HTR4: variants seen among roughly 807,000 people sequenced by gnomAD.
HTR4 encodes the protein 5-hydroxytryptamine receptor 4.
A neutral mutation model predicts 36.8 loss-of-function variants in HTR4; 16 were observed. The ratio of observed to expected loss-of-function variants is 0.43; its 90% CI spans 0.29 to 0.66. The LOEUF (loss-of-function observed/expected upper bound fraction) is 0.66, where lower values mean the gene tolerates loss of function less well. Ranked by LOEUF, HTR4 falls within the 30% of genes least tolerant of loss-of-function variation. The pLI is 0.13. For missense variants in HTR4, 438 were observed against 490.9 expected (o/e 0.89, Z 1.02); for synonymous variants, 189 against 185.1 (o/e 1.02, Z -0.17).
intron 4 of HTR4, among the ~76,000 whole-genome samples, chr5:148,537,204 T>C (rs574833394): frequency 2.6e-4 from 40 of 152,106 alleles, no homozygotes; most frequent in African/African-American, 8.9e-4. Context: ...AAGAAAGATA[T>C]AACATACCAG....
chr5:148,623,522 AT>A (rs1317573383), intron 2 of HTR4, among the ~76,000 whole-genome samples: 1 of 152,172 alleles, frequency 6.6e-6, no homozygotes, highest in East Asian at 1.9e-4. Flanking sequence ...CTATTAAAAT[AT>A]TGCATAATTT....
chr5:148,545,828 A>G (rs10076040), intron 4 of HTR4, among the ~76,000 whole-genome samples: 2,415 of 152,340 alleles, frequency 0.016, 70 homozygotes, highest in African/African-American at 0.055. Flanking sequence ...CTTCAATGCA[A>G]TGAATAGCCA....
intron 2 of HTR4, among the ~76,000 whole-genome samples, chr5:148,588,040 G>A (rs1303087602): frequency 6.6e-6 from 1 of 152,084 alleles, no homozygotes; most frequent in Non-Finnish European, 1.5e-5. Context: ...GACCTCTGAA[G>A]GAATTTTAAC....
chr5:148,609,080 ATTAC>A (rs1457847939), intron 2 of HTR4, among the ~76,000 whole-genome samples: 3 of 152,206 alleles, frequency 2.0e-5, no homozygotes. Flanking sequence ...AGAATGAATA[ATTAC>A]TTAATTAATG....
chr5:148,532,843 T>A (rs1758640112), intron 4 of HTR4, among the ~76,000 whole-genome samples: 1 of 152,150 alleles, frequency 6.6e-6, no homozygotes, highest in African/African-American at 2.4e-5. Context: ...ACTTAAAGGA[T>A]TTGTTGAAAC....
intron 2 of HTR4, among the ~76,000 whole-genome samples, chr5:148,576,248 G>T (rs979513770): frequency 1.3e-5 from 2 of 150,848 alleles, no homozygotes; most frequent in Non-Finnish European, 2.9e-5. Flanking sequence ...AAAATACCAG[G>T]AATATTACTT....
chr5:148,648,650 C>T (rs1345349554), intron 1 of HTR4, among the ~76,000 whole-genome samples: 1 of 152,156 alleles, frequency 6.6e-6, no homozygotes, highest in African/African-American at 2.4e-5. Flanking sequence ...TAGGAGGGGA[C>T]ATTTATTCAG....
intron 2 of HTR4, among the ~76,000 whole-genome samples, chr5:148,615,085 C>G (rs1267327064): frequency 2.6e-5 from 4 of 151,426 alleles, no homozygotes; most frequent in Non-Finnish European, 4.4e-5. Flanking sequence ...GTTGGTGGGA[C>G]TGTAAACTAG....
intron 2 of HTR4, among the ~76,000 whole-genome samples, chr5:148,609,711 G>C (rs1038117073): frequency 5.9e-5 from 9 of 151,608 alleles, no homozygotes; most frequent in African/African-American, 1.9e-4. Flanking sequence ...GACTACAGGC[G>C]CCCACCACCA....
At chr5:148,548,922 G>T in intron 3 of HTR4, 54 bp from the exon 4 acceptor site, 1 of 1,273,142 alleles carries the variant, frequency 7.9e-7, no homozygotes, top group Non-Finnish European at 1.1e-6. Context: ...AAGGGAAAAA[G>T]GGGAGGGAGA....
chr5:148,603,945 T>C (rs1752032991), intron 2 of HTR4, among the ~76,000 whole-genome samples: 1 of 152,094 alleles, frequency 6.6e-6, no homozygotes, highest in South Asian at 2.1e-4. Context: ...TTTCAATGAA[T>C]GGCCCTAGGT....
chr5:148,509,285 T>C (rs1757376344), intron 6 of HTR4, 171 bp downstream of exon 6: 1 of 550,020 alleles, frequency 1.8e-6, no homozygotes, highest in African/African-American at 1.9e-5. Context: ...CTCCAGAGCC[T>C]GAGTTCTTAA....
intron 2 of HTR4, among the ~76,000 whole-genome samples, chr5:148,560,199 T>C (rs1760139898): frequency 1.9e-5 from 2 of 105,116 alleles, no homozygotes; most frequent in East Asian, 6.3e-4. Context: ...CGGAAAGCTT[T>C]TTTTTTAAAA....
chr5:148,599,540 A>T (rs1300306863), intron 2 of HTR4, among the ~76,000 whole-genome samples: 1 of 152,230 alleles, frequency 6.6e-6, no homozygotes, highest in East Asian at 1.9e-4. Context: ...CATTGAAATT[A>T]TCCTTCAAAA....
chr5:148,461,339 GAAGT>G (rs1182158353), intron 5 of HTR4, among the ~76,000 whole-genome samples: 2 of 151,852 alleles, frequency 1.3e-5, no homozygotes, highest in East Asian at 1.9e-4. Flanking sequence ...AAATCGATCA[GAAGT>G]AAGACCAAAC....
At chr5:148,497,007 A>G (rs1756715113) in intron 6 of HTR4, among the ~76,000 whole-genome samples, 1 of 152,194 alleles carries the variant, frequency 6.6e-6, no homozygotes. Context: ...TATAACCTCA[A>G]AAGGAAAATC....
At chr5:148,595,755 C>T (rs1165130738) in intron 2 of HTR4, among the ~76,000 whole-genome samples, 1 of 151,626 alleles carries the variant, frequency 6.6e-6, no homozygotes, top group Admixed American at 6.6e-5. Context: ...TTCTTGTCCT[C>T]CAAAAAAGTA....
At chr5:148,484,464 A>G in intron 6 of HTR4, 6 of 1,308,398 alleles carry the variant, frequency 4.6e-6, no homozygotes, top group Non-Finnish European at 6.3e-6. Context: ...TGGTTTCTGG[A>G]GATTAGCTTT....
intron 4 of HTR4, among the ~76,000 whole-genome samples, chr5:148,531,991 A>G (rs550511679): frequency 1.3e-5 from 2 of 152,268 alleles, no homozygotes; most frequent in East Asian, 1.9e-4. Flanking sequence ...TCAACGTTCT[A>G]CAGTGCCCCA....
Sources: allele counts gnomAD v4.1 joint callset (sites outside exome capture counted in the v4.1 genomes callset), GRCh38; gene constraint gnomAD v4.1.1; transcripts MANE v1.5; gene names NCBI Gene and HGNC (gene_info 2026-07-23, HGNC 2026-07-21).